The following SNX7 variants were observed in gnomAD, a reference collection of about 807,000 sequenced individuals.
SNX7 encodes the protein sorting nexin 7, also known as sorting nexin-7.
SNX7 carries 35 observed loss-of-function variants against 48.4 expected under a neutral mutation model. The ratio of observed to expected loss-of-function variants is 0.72; its 90% confidence interval spans 0.55 to 0.96. The LOEUF (loss-of-function observed/expected upper bound fraction) is 0.96, where lower values mean the gene tolerates loss of function less well. Among genes scored for constraint, SNX7 ranks in the 40% least tolerant of loss-of-function variants. The probability of loss-of-function intolerance (pLI) is 0.00; values close to 1 mark genes in which losing one functional copy is unlikely to be tolerated. For synonymous variants in SNX7, 190 were observed against 190.2 expected (o/e 1.00, Z 0.01); for missense variants, 553 against 548.9 (o/e 1.01, Z -0.07).
At chr1:98,688,593 A>G (rs1476811930) in intron 2 of SNX7, among the ~76,000 whole-genome samples, 2 of 152,188 alleles carry the variant, frequency 1.3e-5, no homozygotes, top group African/African-American at 4.8e-5. Flanking sequence ...TTTCTAAATA[A>G]TGAGTTTAGA....
rs1557808193 is a variant in SNX7 at position 98,701,908 on chromosome 1, GTT to G, written c.1125+9_1125+10del. 10 of 1,593,960 alleles carry G rather than the reference GTT, an allele frequency of 6.3e-6. No individual in the cohort carries two copies. The Admixed American group carries it at 1.7e-4, about 28-fold the overall frequency. On this transcript the variant is annotated splice_donor_region_variant and intron_variant, in intron 7 of 8. Transcript: ENST00000306121. ...AAAAAGGCAGATACTGATCTGGTAA[GTT>G]TTTAAGTTTCTTGATACAATCATAT...
rs778357894 is a variant in SNX7, at chr1:98,684,890, C to A, written c.186C>A (p.Ala62=). Reference sequence around the variant, plus strand: ...TTGAATGTTTTATTTCTTAGGATGCCTCATTGATGGACATGAACTCCTTCA... The same window carrying A: ...TTGAATGTTTTATTTCTTAGGATGCATCATTGATGGACATGAACTCCTTCA... ...EDDLEVFSKD[A]SLMDMNSFSP... The change falls in exon 2 of 9, where the codon GCC becomes GCA. Residue 62 remains alanine (A), a synonymous_variant. Transcript: ENST00000306121. The A allele has an allele frequency of 8.8e-6, 13 of 1,485,024 alleles. No individual in the cohort carries two copies. The highest frequency in any genetic ancestry group is 4.7e-4 in the Middle Eastern group (2 of 4,290). 92.0% of individuals were successfully genotyped at this position (1,485,024 alleles called of 1,614,324 possible).
chr1:98,728,413 A>G (rs1653308058), intron 7 of SNX7, among the ~76,000 whole-genome samples: 1 of 152,094 alleles, frequency 6.6e-6, no homozygotes, highest in Non-Finnish European at 1.5e-5. Flanking sequence ...ATAACCAGCT[A>G]GCATCATGAT....
intron 8 of SNX7, among the ~76,000 whole-genome samples, chr1:98,747,324 A>G (rs566337574): frequency 1.4e-4 from 21 of 152,294 alleles, no homozygotes; most frequent in Non-Finnish European, 2.6e-4. Flanking sequence ...TATTCATTCC[A>G]TAAGTTATTA....
At chr1:98,667,882 A>T (rs1649622667) in intron 1 of SNX7, among the ~76,000 whole-genome samples, 1 of 151,586 alleles carries the variant, frequency 6.6e-6, no homozygotes, top group Non-Finnish European at 1.5e-5. Context: ...ATCTTGTCTT[A>T]GTGGGCCTTA....
chr1:98,726,564 A>C (rs1467768924), intron 7 of SNX7, among the ~76,000 whole-genome samples: 1 of 152,208 alleles, frequency 6.6e-6, no homozygotes, highest in Non-Finnish European at 1.5e-5. Flanking sequence ...TTGTTTACTT[A>C]TCTATATTAG....
intron 8 of SNX7, among the ~76,000 whole-genome samples, chr1:98,755,542 T>A (rs1231453174): frequency 6.6e-6 from 1 of 150,754 alleles, no homozygotes; most frequent in African/African-American, 2.4e-5. Context: ...CTGATAATGA[T>A]CTTTGCTCTG....
At chr1:98,681,486 C>T (rs921398591) in intron 1 of SNX7, among the ~76,000 whole-genome samples, 3 of 152,094 alleles carry the variant, frequency 2.0e-5, no homozygotes, top group Admixed American at 1.3e-4. Flanking sequence ...CACTATATGG[C>T]TTGGCTGTGA....
At chr1:98,752,605 G>A (rs1654642909) in intron 8 of SNX7, among the ~76,000 whole-genome samples, 1 of 151,936 alleles carries the variant, frequency 6.6e-6, no homozygotes, top group South Asian at 2.1e-4. Context: ...GATATCAGTT[G>A]GTTAGTGTTC....
At chr1:98,718,200 T>C (rs1050937896) in intron 7 of SNX7, among the ~76,000 whole-genome samples, 1 of 152,160 alleles carries the variant, frequency 6.6e-6, no homozygotes, top group Non-Finnish European at 1.5e-5. Flanking sequence ...AATTTTTAGT[T>C]ACAATATTTA....
chr1:98,662,216 C>A, intron 1 of SNX7: 1 of 242,276 alleles, frequency 4.1e-6, no homozygotes, highest in Non-Finnish European at 7.9e-6. Context: ...GCTTCTCTGA[C>A]ACAGACATCT....
At chr1:98,738,771 A>C (rs922756979) in intron 8 of SNX7, among the ~76,000 whole-genome samples, 5 of 152,278 alleles carry the variant, frequency 3.3e-5, no homozygotes, top group South Asian at 2.1e-4. Flanking sequence ...TGAAACCATC[A>C]ACAAAGGAGC....
chr1:98,696,531 A>G (rs936592914), intron 5 of SNX7, among the ~76,000 whole-genome samples: 3 of 152,096 alleles, frequency 2.0e-5, no homozygotes, highest in Admixed American at 2.0e-4. Context: ...AAGATTTGGA[A>G]TGGTGTAGGA....
intron 1 of SNX7, among the ~76,000 whole-genome samples, chr1:98,675,785 T>C (rs1240731423): frequency 6.6e-6 from 1 of 152,182 alleles, no homozygotes; most frequent in South Asian, 2.1e-4. Context: ...TAAATTCTGG[T>C]TTTAATGGCT....
intron 1 of SNX7, among the ~76,000 whole-genome samples, chr1:98,669,205 CCT>C (rs1409500295): frequency 6.6e-6 from 1 of 152,096 alleles, no homozygotes; most frequent in Non-Finnish European, 1.5e-5. Context: ...TCTAATCATC[CCT>C]CTCATGCACT....
At chr1:98,697,767 G>A (rs1651539430) in intron 5 of SNX7, among the ~76,000 whole-genome samples, 1 of 152,062 alleles carries the variant, frequency 6.6e-6, no homozygotes, top group South Asian at 2.1e-4. Context: ...TGCTTTAATA[G>A]AAGTATAAAA....
chr1:98,728,496 C>T (rs4512670), intron 7 of SNX7, among the ~76,000 whole-genome samples: 85,989 of 152,022 alleles, frequency 0.57, 25,131 homozygotes, highest in Non-Finnish European at 0.64. Flanking sequence ...TTAAAAGACA[C>T]GGAATGTCAA....
At chr1:98,744,765 G>A (rs1280223330) in intron 8 of SNX7, among the ~76,000 whole-genome samples, 1 of 151,984 alleles carries the variant, frequency 6.6e-6, no homozygotes, top group Admixed American at 6.6e-5. Flanking sequence ...ACTATCCATT[G>A]CTGCAAAAAA....
intron 7 of SNX7, among the ~76,000 whole-genome samples, chr1:98,715,945 A>G (rs910117925): frequency 1.3e-5 from 2 of 152,100 alleles, no homozygotes; most frequent in African/African-American, 4.8e-5. Flanking sequence ...TTTTATATCT[A>G]TGATGTATTT....
Sources: allele counts gnomAD v4.1 joint callset (sites outside exome capture counted in the v4.1 genomes callset), GRCh38; gene constraint gnomAD v4.1.1; transcripts MANE v1.5; gene names NCBI Gene and HGNC (gene_info 2026-07-23, HGNC 2026-07-21).